KCNMB2: variants seen among roughly 807,000 people sequenced by gnomAD.
KCNMB2 encodes the protein potassium calcium-activated channel subfamily M regulatory beta subunit 2, also known as calcium-activated potassium channel subunit beta-2.
A neutral mutation model predicts 24.5 loss-of-function variants in KCNMB2; 9 were observed. That is an observed-to-expected ratio of 0.37 (90% CI 0.22 to 0.64). The LOEUF is 0.64. Among genes scored for constraint, KCNMB2 ranks in the 30% least tolerant of loss-of-function variants. The pLI is 0.63. For synonymous variants in KCNMB2, 109 were observed against 104.4 expected (o/e 1.04, Z -0.27); for missense variants, 226 against 284.3 (o/e 0.79, Z 1.47).
chr3:178,597,013 C>T (rs890823750), intron 1 of KCNMB2, among the ~76,000 whole-genome samples: 1 of 152,112 alleles, frequency 6.6e-6, no homozygotes, highest in Non-Finnish European at 1.5e-5. Context: ...TCCTGAGGTT[C>T]AGCCTTCACA....
intron 1 of KCNMB2, among the ~76,000 whole-genome samples, chr3:178,712,944 A>G (rs1465548928): frequency 2.0e-5 from 3 of 152,248 alleles, no homozygotes; most frequent in African/African-American, 7.2e-5. Context: ...GCAACTGGCA[A>G]ACTCATAGCC....
At chr3:178,695,430 C>T (rs981378806) in intron 1 of KCNMB2, among the ~76,000 whole-genome samples, 4 of 152,220 alleles carry the variant, frequency 2.6e-5, no homozygotes, top group Middle Eastern at 3.2e-3. Flanking sequence ...GACTTTCTCC[C>T]CCACGAAGTG....
chr3:178,557,945 C>G (rs1339868654), intron 1 of KCNMB2, among the ~76,000 whole-genome samples: 2 of 152,150 alleles, frequency 1.3e-5, no homozygotes, highest in Non-Finnish European at 2.9e-5. Context: ...GCCTTCAGCT[C>G]CTGCACACAC....
chr3:178,639,288 G>A (rs1271852253), intron 1 of KCNMB2, among the ~76,000 whole-genome samples: 1 of 152,104 alleles, frequency 6.6e-6, no homozygotes, highest in Non-Finnish European at 1.5e-5. Context: ...TGAGCATTGA[G>A]GCACAGATAT....
At chr3:178,648,541 C>T (rs1192280691) in intron 1 of KCNMB2, among the ~76,000 whole-genome samples, 1 of 152,014 alleles carries the variant, frequency 6.6e-6, no homozygotes, top group Non-Finnish European at 1.5e-5. Context: ...GAGTCTGTCT[C>T]TTAAAAACAA....
chr3:178,605,456 G>A (rs984064854), intron 1 of KCNMB2, among the ~76,000 whole-genome samples: 1 of 152,134 alleles, frequency 6.6e-6, no homozygotes, highest in African/African-American at 2.4e-5. Context: ...ACCTTAAAAC[G>A]TATCTTAAAA....
intron 1 of KCNMB2, among the ~76,000 whole-genome samples, chr3:178,782,934 T>C (rs1283938198): frequency 1.3e-5 from 2 of 151,250 alleles, no homozygotes; most frequent in East Asian, 3.9e-4. Flanking sequence ...GGTCTAACAT[T>C]TAAGTCTTTA....
At chr3:178,677,456 C>T (rs1012412859) in intron 1 of KCNMB2, among the ~76,000 whole-genome samples, 6 of 152,318 alleles carry the variant, frequency 3.9e-5, no homozygotes, top group East Asian at 1.9e-4. Flanking sequence ...CCCCACCTGA[C>T]GCAGACAGCT....
intron 1 of KCNMB2, among the ~76,000 whole-genome samples, chr3:178,600,757 A>G (rs1718052911): frequency 6.6e-6 from 1 of 152,158 alleles, no homozygotes; most frequent in Non-Finnish European, 1.5e-5. Flanking sequence ...TGCTGCAATA[A>G]ACATGCGTGC....
At position 178,710,633 on chromosome 3, in the gene KCNMB2, T is replaced by TGTGC. The variant is rs1722421632; in HGVS notation, c.-67-96706_-67-96703dup. On this transcript the variant is annotated intron_variant, in intron 1 of 4. Transcript: ENST00000452583. The stretch of plus-strand genomic sequence containing the variant: ...TTTCCCCCACTCATATGTGTATGTG[T>TGTGC]GTGCGTGAGTGTGTGTGCGTGTCTC... 2.0e-5 allele frequency among the ~76,000 whole-genome samples: 3 copies of TGTGC among 152,178 alleles called. No homozygotes were observed. The South Asian group carries it at 6.2e-4, about 32-fold the overall frequency.
At chr3:178,667,171 G>A (rs777764541) in intron 1 of KCNMB2, among the ~76,000 whole-genome samples, 1 of 151,974 alleles carries the variant, frequency 6.6e-6, no homozygotes, top group Non-Finnish European at 1.5e-5. Flanking sequence ...TTAAAATGAG[G>A]TTATTAGGAT....
chr3:178,792,741 T>G (rs1323894353), intron 1 of KCNMB2, among the ~76,000 whole-genome samples: 1 of 152,062 alleles, frequency 6.6e-6, no homozygotes, highest in Non-Finnish European at 1.5e-5. Flanking sequence ...TCCTTGCAAA[T>G]GAAAACCAAA....
intron 1 of KCNMB2, among the ~76,000 whole-genome samples, chr3:178,649,832 T>C (rs1448884946): frequency 3.0e-4 from 3 of 10,012 alleles, no homozygotes; most frequent in African/African-American, 0.011. Flanking sequence ...ATTCATTGAC[T>C]TTTTTCTCCT....
At chr3:178,636,601 T>C (rs1433489440) in intron 1 of KCNMB2, among the ~76,000 whole-genome samples, 2 of 152,242 alleles carry the variant, frequency 1.3e-5, no homozygotes, top group East Asian at 1.9e-4. Context: ...TCTTAGCTTC[T>C]TGAGTATCTT....
intron 1 of KCNMB2, among the ~76,000 whole-genome samples, chr3:178,781,814 A>G (rs971218250): frequency 6.6e-6 from 1 of 150,804 alleles, no homozygotes; most frequent in African/African-American, 2.4e-5. Flanking sequence ...TTATACTTTA[A>G]GTTTTAGGGT....
chr3:178,555,172 C>T (rs12495433), intron 1 of KCNMB2, among the ~76,000 whole-genome samples: 35,932 of 152,108 alleles, frequency 0.24, 4,991 homozygotes, highest in East Asian at 0.43. Context: ...TGGGAAGTTC[C>T]AAGAACAATG....
At chr3:178,720,919 C>T (rs202173818) in intron 1 of KCNMB2, among the ~76,000 whole-genome samples, 7 of 151,844 alleles carry the variant, frequency 4.6e-5, no homozygotes, top group Admixed American at 4.6e-4. Flanking sequence ...AATTTTCTCC[C>T]ATTTTGCCTG....
At chr3:178,547,041 G>A (rs975036903) in intron 1 of KCNMB2, among the ~76,000 whole-genome samples, 3 of 152,184 alleles carry the variant, frequency 2.0e-5, no homozygotes, top group African/African-American at 7.2e-5. Context: ...TTAAAAGGTG[G>A]GACCTTTAGG....
chr3:178,574,226 C>T (rs1185626996), intron 1 of KCNMB2, among the ~76,000 whole-genome samples: 1 of 152,058 alleles, frequency 6.6e-6, no homozygotes, highest in East Asian at 1.9e-4. Flanking sequence ...AGTGCAGGTT[C>T]CCATGGAGGA....
Sources: gnomAD v4.1 joint callset for allele counts (sites outside exome capture counted in the v4.1 genomes callset) on GRCh38, gnomAD v4.1.1 for gene constraint, MANE v1.5 for transcripts, NCBI Gene and HGNC (gene_info 2026-07-23, HGNC 2026-07-21) for gene names.